SP140: variants seen among roughly 807,000 people sequenced by gnomAD.
The protein encoded by SP140 is SP140 nuclear body protein.
SP140 carries 81 observed loss-of-function variants against 125.0 expected under a neutral mutation model. The ratio of observed to expected loss-of-function variants is 0.65; its 90% confidence interval spans 0.54 to 0.78. The LOEUF is 0.78. Ranked by LOEUF, SP140 falls within the 30% of genes least tolerant of loss-of-function variation. SP140 has a pLI of 0.00. For missense variants in SP140, 858 were observed against 1,037.0 expected (o/e 0.83, Z 2.37); for synonymous variants, 312 against 354.0 (o/e 0.88, Z 1.33).
At chr2:230,310,398 G>A (rs964223285) in intron 23 of SP140, 3 of 501,374 alleles carry the variant, frequency 6.0e-6, no homozygotes, top group African/African-American at 5.8e-5. Flanking sequence ...GATCTCATTG[G>A]GCTGTTGGAG....
chr2:230,192,357 A>C, the SP140 span, among the ~76,000 whole-genome samples: 5 of 152,194 alleles, frequency 3.3e-5, no homozygotes, highest in South Asian at 2.1e-4. Context: ...TTCTGTTTGC[A>C]GATGACATGA....
At chr2:230,306,107 C>T (rs1376887990) in intron 22 of SP140, among the ~76,000 whole-genome samples, 1 of 152,210 alleles carries the variant, frequency 6.6e-6, no homozygotes, top group Non-Finnish European at 1.5e-5. Flanking sequence ...CAGGAACGGC[C>T]AGAGGAGCAG....
At chr2:230,224,117 T>C (rs1279988456), upstream of SP140, among the ~76,000 whole-genome samples, 2 of 152,214 alleles carry the variant, frequency 1.3e-5, no homozygotes, top group African/African-American at 2.4e-5. Flanking sequence ...GGCTAATGCA[T>C]GGTGTTGCAA....
rs778456377 is a variant in SP140 at position 230,253,390 on chromosome 2, C to G, written c.1132C>G (p.Leu378Val). 6.2e-6 allele frequency: 10 copies of G among 1,607,758 alleles called. No homozygotes were observed. The Admixed American group carries it at 8.3e-5, about 13-fold the overall frequency. Residue 378 changes from leucine (L) to valine (V), a missense_variant, in exon 11 of 27, where the codon CTC becomes GTC. By Grantham distance (32) the Leu-to-Val change is conservative. Coordinates refer to ENST00000392045, the MANE Select transcript of SP140 (RefSeq NM_007237.5). ...VTNEGEPEKE[L>V]SLLPGEGEEG... is the part of the protein sequence containing the mutation. ...TAATGAAGGAGAACCAGAGAAGGAGCTCAGTCTACTACCAGGTGAAGGAGA... is the reference window on the plus strand; with the variant it reads ...TAATGAAGGAGAACCAGAGAAGGAGGTCAGTCTACTACCAGGTGAAGGAGA...
intron 9 of SP140, among the ~76,000 whole-genome samples, 195 bp from the exon 10 acceptor site, chr2:230,250,786 G>A (rs765848712): frequency 6.6e-6 from 1 of 152,154 alleles, no homozygotes; most frequent in Non-Finnish European, 1.5e-5. Flanking sequence ...GTGAGCTGAT[G>A]GATGGTTCTC....
intron 1 of SP140, among the ~76,000 whole-genome samples, chr2:230,229,630 G>A (rs550576364): frequency 6.6e-6 from 1 of 151,540 alleles, no homozygotes; most frequent in Non-Finnish European, 1.5e-5. Flanking sequence ...ACCACGCCTG[G>A]CTAATTTTTT....
intron 12 of SP140, among the ~76,000 whole-genome samples, chr2:230,260,551 T>A (rs1027522307): frequency 1.6e-4 from 24 of 152,250 alleles, no homozygotes; most frequent in African/African-American, 5.8e-4. Flanking sequence ...TCTGATGTTA[T>A]CTTCCAGAAT....
intron 13 of SP140, 77 bp from the exon 14 acceptor site, chr2:230,269,760 G>A (rs2053641228): frequency 1.7e-6 from 2 of 1,207,278 alleles, no homozygotes; most frequent in South Asian, 1.3e-5. Context: ...AAGTAAAGAA[G>A]GGGGAGCAAC....
intron 12 of SP140, among the ~76,000 whole-genome samples, chr2:230,259,981 T>G (rs2051952316): frequency 6.6e-6 from 1 of 152,110 alleles, no homozygotes; most frequent in African/African-American, 2.4e-5. Context: ...CTGGATCAAA[T>G]GGTAGTTCTA....
chr2:230,231,556 C>T (rs75381756), intron 1 of SP140, among the ~76,000 whole-genome samples: 2,191 of 152,272 alleles, frequency 0.014, 44 homozygotes, highest in African/African-American at 0.04. Flanking sequence ...GTTCTTCCAG[C>T]TGTAATCTGC....
upstream of SP140, chr2:230,221,838 G>C: frequency 2.9e-6 from 3 of 1,027,478 alleles, no homozygotes; most frequent in South Asian, 2.8e-5. Context: ...AGTAAAGCAG[G>C]AGTGGGAAAA....
chr2:230,281,599 C>T (rs536997384), intron 15 of SP140, among the ~76,000 whole-genome samples: 1 of 152,290 alleles, frequency 6.6e-6, no homozygotes, highest in African/African-American at 2.4e-5. Flanking sequence ...GCAATCACTA[C>T]TCTTCTTTTT....
chr2:230,271,770 A>T (rs2053965143), intron 15 of SP140, among the ~76,000 whole-genome samples: 1 of 152,220 alleles, frequency 6.6e-6, no homozygotes, highest in Non-Finnish European at 1.5e-5. Flanking sequence ...ATCCAGGTCA[A>T]AAAACATGAT....
At chr2:230,221,506 T>C (rs1206220214), upstream of SP140, among the ~76,000 whole-genome samples, 1 of 152,016 alleles carries the variant, frequency 6.6e-6, no homozygotes, top group Admixed American at 6.5e-5. Context: ...ATGTACAGAA[T>C]AGCAGACCCG....
intron 22 of SP140, among the ~76,000 whole-genome samples, chr2:230,303,660 AT>A (rs2058505941): frequency 6.6e-6 from 1 of 152,248 alleles, no homozygotes; most frequent in Admixed American, 6.5e-5. Flanking sequence ...CAAAAATTGT[AT>A]GATCATCTCA....
In SP140 at chr2:230,285,843, G is replaced by C. The variant is rs773572301; in HGVS notation, c.1645+11G>C. On this transcript the variant is annotated intron_variant, in intron 17 of 26. Coordinates refer to ENST00000392045, the MANE Select transcript of SP140 (RefSeq NM_007237.5). Reference sequence around the variant, plus strand: ...TTTCCAAGATTAGGGGTAAGATAAAGTTTGTCCGCTTTCCCTTTGCCCTAC... The same window carrying C: ...TTTCCAAGATTAGGGGTAAGATAAACTTTGTCCGCTTTCCCTTTGCCCTAC... 1.9e-6 allele frequency: 3 copies of C among 1,601,332 alleles called. No homozygotes were observed. The highest frequency in any genetic ancestry group is 2.6e-6 in the Non-Finnish European group (3 of 1,168,438).
chr2:230,229,823 C>CT (rs1007481132), intron 1 of SP140, among the ~76,000 whole-genome samples: 8 of 150,786 alleles, frequency 5.3e-5, no homozygotes, highest in South Asian at 4.2e-4. Flanking sequence ...CCTACATAGG[C>CT]TTTTTTTTTC....
chr2:230,206,824 GC>G (rs931442171), intron 1 of SP140, among the ~76,000 whole-genome samples: 1 of 151,672 alleles, frequency 6.6e-6, no homozygotes, highest in African/African-American at 2.4e-5. Context: ...GAGAATTAGA[GC>G]TATAGCTATT....
chr2:230,246,053 CCATCCATCCATT>C, intron 7 of SP140, 113 bp downstream of exon 7: 2 of 659,102 alleles, frequency 3.0e-6, no homozygotes, highest in South Asian at 1.7e-5. Flanking sequence ...ATATATCCAT[CCATCCATCCATT>C]CATCCATCCA....
Sources: allele counts gnomAD v4.1 joint callset (sites outside exome capture counted in the v4.1 genomes callset), GRCh38; gene constraint gnomAD v4.1.1; transcripts MANE v1.5; gene names NCBI Gene and HGNC (gene_info 2026-07-23, HGNC 2026-07-21).